PARD3B: variants seen among roughly 807,000 people sequenced by gnomAD.
PARD3B encodes the protein par-3 family cell polarity regulator beta.
A neutral mutation model predicts 130.2 loss-of-function variants in PARD3B; 103 were observed. The observed-to-expected ratio is 0.79, with a 90% CI of 0.67 to 0.93. The LOEUF is 0.93. PARD3B is among the 40% of genes least tolerant of loss of function. PARD3B has a pLI of 0.00. For synonymous variants in PARD3B, 583 were observed against 553.2 expected (o/e 1.05, Z -0.76); for missense variants, 1,609 against 1,499.2 (o/e 1.07, Z -1.21).
chr2:204,621,127 C>T lies in PARD3B; in HGVS notation c.121-65054C>T, dbSNP rs144890784. 4.8e-3 allele frequency among the ~76,000 whole-genome samples: 733 copies of T among 152,264 alleles called. 9 individuals carry two copies. The highest frequency in any genetic ancestry group is 6.6e-3 in the Non-Finnish European group (448 of 68,014). On this transcript the variant is annotated intron_variant, in intron 1 of 22. Coordinates refer to ENST00000406610, the MANE Select transcript of PARD3B (RefSeq NM_001302769.2). ...TAGCACACACTAGGTATTCAATAAACATCTTAGTAGATGGATTACAAAAGA... is the reference window on the plus strand; with the variant it reads ...TAGCACACACTAGGTATTCAATAAATATCTTAGTAGATGGATTACAAAAGA...
intron 3 of PARD3B, among the ~76,000 whole-genome samples, chr2:204,983,989 C>T (rs1381695862): frequency 6.6e-6 from 1 of 151,598 alleles, no homozygotes. Flanking sequence ...TGTCGCCTCT[C>T]TAAAAAGAAA....
intron 2 of PARD3B, among the ~76,000 whole-genome samples, chr2:204,916,264 T>TTA (rs1256704218): frequency 6.6e-6 from 1 of 152,250 alleles, no homozygotes; most frequent in African/African-American, 2.4e-5. Flanking sequence ...ACAGAAAACA[T>TTA]TATTTCACTG....
intron 1 of PARD3B, among the ~76,000 whole-genome samples, chr2:204,650,909 G>A (rs917491394): frequency 6.7e-6 from 1 of 149,372 alleles, no homozygotes; most frequent in South Asian, 2.1e-4. Flanking sequence ...AGAGAGAGAA[G>A]GAGGAAGTGC....
At chr2:205,487,337 AAAAC>A (rs2049483193) in intron 20 of PARD3B, among the ~76,000 whole-genome samples, 1 of 152,198 alleles carries the variant, frequency 6.6e-6, no homozygotes, top group African/African-American at 2.4e-5. Flanking sequence ...TTGGGGAAGA[AAAAC>A]AAAAGCATTG....
chr2:204,832,173 C>A (rs2043849832), intron 2 of PARD3B, among the ~76,000 whole-genome samples: 1 of 152,004 alleles, frequency 6.6e-6, no homozygotes, highest in South Asian at 2.1e-4. Context: ...TTGCAGTGAG[C>A]TGAGATCACG....
chr2:205,335,052 A>G (rs2043260516), intron 18 of PARD3B, among the ~76,000 whole-genome samples: 1 of 152,200 alleles, frequency 6.6e-6, no homozygotes, highest in African/African-American at 2.4e-5. Flanking sequence ...AATTTGAGAT[A>G]AGGAACAAGC....
At chr2:204,850,451 G>A (rs1420940050) in intron 2 of PARD3B, among the ~76,000 whole-genome samples, 1 of 143,404 alleles carries the variant, frequency 7.0e-6, no homozygotes, top group East Asian at 2.0e-4. Context: ...AAACCTGGGT[G>A]AACTTTCTTA....
intron 4 of PARD3B, among the ~76,000 whole-genome samples, chr2:205,090,145 C>A (rs760774446): frequency 1.3e-5 from 2 of 152,238 alleles, no homozygotes; most frequent in Non-Finnish European, 2.9e-5. Flanking sequence ...CTTTTCTGTG[C>A]AACCCTGGGA....
At chr2:204,599,930 C>G (rs1197087176) in intron 1 of PARD3B, among the ~76,000 whole-genome samples, 1 of 151,844 alleles carries the variant, frequency 6.6e-6, no homozygotes, top group East Asian at 1.9e-4. Flanking sequence ...TTGCATTTCC[C>G]TCATGAGTAG....
intron 22 of PARD3B, among the ~76,000 whole-genome samples, chr2:205,612,397 C>T (rs2055265011): frequency 1.3e-5 from 2 of 152,188 alleles, no homozygotes; most frequent in South Asian, 4.1e-4. Context: ...CCACCTTGGC[C>T]TCCTAAAGTG....
intron 2 of PARD3B, among the ~76,000 whole-genome samples, chr2:204,861,423 A>G (rs1309089585): frequency 6.6e-6 from 1 of 152,140 alleles, no homozygotes; most frequent in Non-Finnish European, 1.5e-5. Context: ...CTTGAGGTAG[A>G]AAAACCAATT....
In PARD3B at chr2:204,675,301, T is replaced by C. The variant is rs1163819176; in HGVS notation, c.121-10880T>C. On this transcript the variant is annotated intron_variant, in intron 1 of 22. Transcript: ENST00000406610. This position sits in a 1 kb window ranked among gnomAD's most constrained non-coding sequence, Gnocchi z 4.4. ...AATCCATTTAATCTGCTTAAGTATA[T>C]TTGCATCAATTATGCATTAAATATC... Among the ~76,000 whole-genome samples, 1 of 152,138 alleles carries C rather than the reference T, an allele frequency of 6.6e-6. No homozygotes were observed. The highest frequency in any genetic ancestry group is 1.5e-5 in the Non-Finnish European group (1 of 68,012).
chr2:204,918,411 A>T (rs1036999083), intron 2 of PARD3B, among the ~76,000 whole-genome samples: 1 of 152,102 alleles, frequency 6.6e-6, no homozygotes, highest in Admixed American at 6.5e-5. Flanking sequence ...CGGGCGGATC[A>T]CGAGGTCAGG....
chr2:205,083,268 A>G (rs1701540150), intron 4 of PARD3B, among the ~76,000 whole-genome samples: 1 of 151,954 alleles, frequency 6.6e-6, no homozygotes, highest in African/African-American at 2.4e-5. Context: ...ACTGTTATAT[A>G]GTAATATTCT....
At chr2:204,827,593 T>A (rs2043633358) in intron 2 of PARD3B, among the ~76,000 whole-genome samples, 1 of 152,186 alleles carries the variant, frequency 6.6e-6, no homozygotes, top group African/African-American at 2.4e-5. Context: ...CAAAACTAAA[T>A]TCTAATGAAG....
chr2:204,737,443 CT>C (rs767720699), intron 2 of PARD3B, among the ~76,000 whole-genome samples: 7 of 152,022 alleles, frequency 4.6e-5, no homozygotes, highest in Non-Finnish European at 7.4e-5. Flanking sequence ...ATTTGTTTTG[CT>C]GATTTGTTTG....
At chr2:204,586,605 C>T (rs1381650829) in intron 1 of PARD3B, among the ~76,000 whole-genome samples, 2 of 152,102 alleles carry the variant, frequency 1.3e-5, no homozygotes, top group East Asian at 1.9e-4. Context: ...ACTTAATCTG[C>T]GGTTAATGAT....
chr2:205,523,225 GTA>G (rs906912640), intron 21 of PARD3B, among the ~76,000 whole-genome samples: 2,820 of 142,924 alleles, frequency 0.02, 91 homozygotes, highest in African/African-American at 0.068. Context: ...GTGTGTGTGT[GTA>G]TATATATATA....
intron 2 of PARD3B, among the ~76,000 whole-genome samples, chr2:204,686,486 GGCCTA>G (rs1190900686): frequency 6.6e-6 from 1 of 152,104 alleles, no homozygotes; most frequent in East Asian, 1.9e-4. Context: ...TGTTTGTGTT[GGCCTA>G]ATTAGCAGAC....
Sources: gnomAD v4.1 joint callset for allele counts (sites outside exome capture counted in the v4.1 genomes callset) on GRCh38, gnomAD v4.1.1 for gene constraint, Gnocchi (gnomAD v3.1) non-coding constraint, MANE v1.5 for transcripts, NCBI Gene and HGNC (gene_info 2026-07-23, HGNC 2026-07-21) for gene names.